The following KLF8 variants were observed in gnomAD, a reference collection of about 807,000 sequenced individuals.
KLF8 encodes Krueppel-like factor 8.
Under a neutral mutation model 18.2 loss-of-function variants are expected in KLF8, and 10 were observed. The ratio of observed to expected loss-of-function variants is 0.55; its 90% CI spans 0.34 to 0.93. The LOEUF (loss-of-function observed/expected upper bound fraction) is 0.93. Among genes scored for constraint, KLF8 ranks in the 40% least tolerant of loss-of-function variants. The pLI is 0.02. For synonymous variants in KLF8, 109 were observed against 97.3 expected (o/e 1.12, Z -0.71); for missense variants, 264 against 277.9 (o/e 0.95, Z 0.36).
the KLF8 span, among the ~76,000 whole-genome samples, chrX:55,945,703 C>T: frequency 4.5e-5 from 5 of 111,284 alleles, no homozygotes; most frequent in Non-Finnish European, 9.4e-5. Context: ...CAAATTGTCC[C>T]TGTTTGTAGA....
At chrX:55,997,247 G>A in the KLF8 span, among the ~76,000 whole-genome samples, 1 of 111,947 alleles carries the variant, frequency 8.9e-6, no homozygotes, top group Non-Finnish European at 1.9e-5. Context: ...TAACAAAGGT[G>A]AAAGGCACCT....
the KLF8 span, among the ~76,000 whole-genome samples, chrX:56,196,742 C>G: frequency 1.8e-5 from 2 of 111,800 alleles, no homozygotes. Flanking sequence ...CTGCACCAAG[C>G]AGATCTAATA....
chrX:56,046,936 C>A, the KLF8 span, among the ~76,000 whole-genome samples: 285 of 111,678 alleles, frequency 2.6e-3, no homozygotes, highest in African/African-American at 8.9e-3. Context: ...AAGTTTACCT[C>A]GATTATTCCC....
chrX:56,150,939 G>T, the KLF8 span, among the ~76,000 whole-genome samples: 4 of 111,568 alleles, frequency 3.6e-5, no homozygotes, highest in African/African-American at 1.3e-4. Flanking sequence ...TGGATGATTT[G>T]CCTTCCTCAG....
chrX:56,119,302 T>G, the KLF8 span, among the ~76,000 whole-genome samples: 1 of 111,250 alleles, frequency 9.0e-6, no homozygotes, highest in Admixed American at 9.6e-5. Context: ...CTGTCTTTGC[T>G]GCCTGATCCC....
At chrX:56,051,838 C>A in the KLF8 span, among the ~76,000 whole-genome samples, 1 of 107,399 alleles carries the variant, frequency 9.3e-6, no homozygotes, top group Admixed American at 9.6e-5. Flanking sequence ...TGGGGAAGTT[C>A]TCCTGGATAA....
chrX:55,984,310 C>T, the KLF8 span, among the ~76,000 whole-genome samples: 5 of 110,435 alleles, frequency 4.5e-5, no homozygotes, highest in South Asian at 3.9e-4. Flanking sequence ...CCCACGTTTC[C>T]GAGTGTTCTC....
the KLF8 span, among the ~76,000 whole-genome samples, chrX:56,043,115 T>G: frequency 9.1e-6 from 1 of 110,422 alleles, no homozygotes; most frequent in East Asian, 2.8e-4. Flanking sequence ...TTGGAAATCC[T>G]TTTTTTTTAA....
chrX:56,218,546 T>C, the KLF8 span, among the ~76,000 whole-genome samples: 7 of 112,011 alleles, frequency 6.2e-5, no homozygotes, highest in Non-Finnish European at 9.4e-5. Context: ...CAATATATTA[T>C]GACAGTCAAA....
chrX:56,263,751 C>A (rs2066919789), intron 2 of KLF8, among the ~76,000 whole-genome samples: 1 of 112,142 alleles, frequency 8.9e-6, no homozygotes, highest in Non-Finnish European at 1.9e-5. Flanking sequence ...AGTCAATACT[C>A]AAATATTTTT....
the KLF8 span, among the ~76,000 whole-genome samples, chrX:56,031,692 C>T: frequency 9.0e-6 from 1 of 111,649 alleles, no homozygotes; most frequent in Non-Finnish European, 1.9e-5. Flanking sequence ...TCAGTCACCT[C>T]GTTTCCCAGT....
At chrX:56,024,418 G>T in the KLF8 span, among the ~76,000 whole-genome samples, 1 of 111,102 alleles carries the variant, frequency 9.0e-6, no homozygotes, top group Non-Finnish European at 1.9e-5. Context: ...ATGTTGGCCA[G>T]CCTGGTCTGG....
chrX:56,200,260 A>G, the KLF8 span, among the ~76,000 whole-genome samples: 1 of 111,141 alleles, frequency 9.0e-6, no homozygotes, highest in Non-Finnish European at 1.9e-5. Flanking sequence ...CATAAACGTA[A>G]ACACATTGTA....
the KLF8 span, among the ~76,000 whole-genome samples, chrX:55,971,335 G>T: frequency 1.8e-5 from 2 of 111,340 alleles, no homozygotes; most frequent in East Asian, 2.8e-4. Context: ...TCAATAAATT[G>T]TGCTGGCAAA....
the KLF8 span, among the ~76,000 whole-genome samples, chrX:55,993,781 C>G: frequency 9.0e-6 from 1 of 111,250 alleles, no homozygotes; most frequent in African/African-American, 3.3e-5. Flanking sequence ...GTTTTCTTCA[C>G]TCATTCAATT....
chrX:56,132,795 A>C, the KLF8 span, among the ~76,000 whole-genome samples: 1 of 111,678 alleles, frequency 9.0e-6, no homozygotes, highest in Non-Finnish European at 1.9e-5. Context: ...AGAAGAGAGA[A>C]GATCCAAATA....
the KLF8 span, among the ~76,000 whole-genome samples, chrX:56,133,782 A>G: frequency 2.7e-5 from 3 of 111,694 alleles, no homozygotes; most frequent in Admixed American, 2.9e-4. Context: ...ACTCGTCCAA[A>G]TAGCTCCTAG....
At chrX:56,207,775 CCA>C in the KLF8 span, among the ~76,000 whole-genome samples, 1 of 110,413 alleles carries the variant, frequency 9.1e-6, no homozygotes. Context: ...AAAGTTGCTT[CCA>C]CATTTTTGGG....
At chrX:56,078,202 G>T in the KLF8 span, among the ~76,000 whole-genome samples, 1 of 111,803 alleles carries the variant, frequency 8.9e-6, no homozygotes, top group Non-Finnish European at 1.9e-5. Context: ...GTGAGAGAGG[G>T]CATCCCTGTC....
Sources: allele counts gnomAD v4.1 joint callset (sites outside exome capture counted in the v4.1 genomes callset), GRCh38; gene constraint gnomAD v4.1.1; transcripts MANE v1.5; gene names NCBI Gene and HGNC (gene_info 2026-07-23, HGNC 2026-07-21).